GUSB: variants seen among roughly 807,000 people sequenced by gnomAD.
GUSB encodes the protein beta-glucuronidase.
A neutral mutation model predicts 74.6 loss-of-function variants in GUSB; 51 were observed. The ratio of observed to expected loss-of-function variants is 0.68; its 90% confidence interval spans 0.55 to 0.86. GUSB has a LOEUF of 0.86. Ranked by LOEUF, GUSB falls within the 40% of genes least tolerant of loss-of-function variation. GUSB has a pLI of 0.00. For synonymous variants in GUSB, 360 were observed against 348.3 expected (o/e 1.03, Z -0.37); for missense variants, 736 against 853.7 (o/e 0.86, Z 1.72).
rs868867911 is a variant in GUSB at position 65,968,736 on chromosome 7, G to A, written c.1477-829C>T. ...CGAGTAGCTAGGATTACAGGCGTGC[G>A]CCACCACGCCCAGCTAATTTTTTGT... is the stretch of plus-strand genomic sequence containing the variant. On this transcript the variant is annotated intron_variant, in intron 9 of 11. Transcript: ENST00000304895. Among the ~76,000 whole-genome samples, 55 of 152,224 alleles carry A rather than the reference G, an allele frequency of 3.6e-4. 1 individual carries two copies. Among genetic ancestry groups the A allele is most frequent in the African/African-American group, 1.1e-3 (47 of 41,552 alleles).
At chr7:65,977,200 G>A (rs1791641481) in intron 4 of GUSB, among the ~76,000 whole-genome samples, 1 of 151,992 alleles carries the variant, frequency 6.6e-6, no homozygotes, top group Non-Finnish European at 1.5e-5. Context: ...TTTTGAGATG[G>A]GGGTGTCACT....
intron 8 of GUSB, among the ~76,000 whole-genome samples, chr7:65,970,957 G>A (rs967920881): frequency 2.0e-5 from 3 of 151,398 alleles, no homozygotes; most frequent in African/African-American, 7.3e-5. Context: ...TCCCTAACTT[G>A]AGATGTATTT....
intron 2 of GUSB, 101 bp from the exon 3 acceptor site, chr7:65,980,012 G>C: frequency 9.3e-7 from 1 of 1,072,844 alleles, no homozygotes; most frequent in Non-Finnish European, 1.4e-6. Context: ...ATGGGGCTCC[G>C]GGGCCTTCCA....
At chr7:65,978,308 C>T (rs1165825426) in intron 4 of GUSB, among the ~76,000 whole-genome samples, 2 of 151,980 alleles carry the variant, frequency 1.3e-5, no homozygotes, top group South Asian at 2.1e-4. Flanking sequence ...ATTAGCTGGA[C>T]GTGGTGGCAC....
In GUSB at chr7:65,975,179, C is replaced by T. The variant is rs1791488378; in HGVS notation, c.913-108G>A. 5 of 947,820 alleles carry T rather than the reference C, an allele frequency of 5.3e-6. No homozygotes were observed. In the Admixed American group the frequency reaches 9.2e-5, roughly 17 times the overall value. 58.7% of individuals were successfully genotyped at this position (947,820 alleles called of 1,614,324 possible). ...TGCACCCCAGCAGCTGCCTCTGGGC[C>T]TGTAAGCAGAGATGCAGCAATCAGA... On this transcript the variant is annotated intron_variant, in intron 5 of 11. Coordinates refer to ENST00000304895, the MANE Select transcript of GUSB (RefSeq NM_000181.4).
chr7:65,964,951 C>T (rs916189513), intron 10 of GUSB, among the ~76,000 whole-genome samples: 11 of 151,982 alleles, frequency 7.2e-5, no homozygotes, highest in African/African-American at 2.7e-4. Flanking sequence ...CATCTGTGGT[C>T]CCAGCTACTT....
At chr7:65,969,103 G>A (rs555598493) in intron 9 of GUSB, among the ~76,000 whole-genome samples, 19 of 152,280 alleles carry the variant, frequency 1.2e-4, no homozygotes, top group South Asian at 1.2e-3. Flanking sequence ...AATGCTGGCC[G>A]GGTGTGGTGG....
chr7:65,975,209 C>G, intron 5 of GUSB, 138 bp from the exon 6 acceptor site: 2 of 752,308 alleles, frequency 2.7e-6, no homozygotes, highest in Non-Finnish European at 4.6e-6. Context: ...ATCAGAGGTT[C>G]TGCCCTACCC....
chr7:65,980,185 G>GTTC, intron 2 of GUSB, 39 bp downstream of exon 2: 2 of 725,274 alleles, frequency 2.8e-6, no homozygotes, highest in Non-Finnish European at 2.4e-6. Context: ...CAGCAGCCGT[G>GTTC]CCCCCCCACC....
chr7:65,971,861 A>G (rs1791234359), intron 8 of GUSB, among the ~76,000 whole-genome samples: 1 of 151,916 alleles, frequency 6.6e-6, no homozygotes, highest in Non-Finnish European at 1.5e-5. Context: ...ACCAACACGG[A>G]GAAACCCCAT....
At position 65,979,835 on chromosome 7, in the gene GUSB, T is replaced by G; in HGVS notation, c.473A>C (p.Gln158Pro). Residue 158 changes from glutamine to proline, a missense_variant, in exon 3 of 12, where the codon CAG becomes CCG. Gln to Pro is a moderately conservative substitution (Grantham distance 76). Around this residue, in one of 2 missense-constraint regions of GUSB, gnomAD observed 368 missense variants for 363.8 expected, o/e 1.01. Transcript: ENST00000304895. ...GAGCCGGGAGGGCAGGGGCCCCACC[T>G]GGACCAGGTTGCTGATGTCGGCCTC... ...PFEADISNLV[Q>P]VGPLPSRLRI... is the part of the protein sequence containing the mutation. The G allele has an allele frequency of 6.2e-7, 1 of 1,613,672 alleles. No individual in the cohort carries two copies. Among genetic ancestry groups the G allele is most frequent in the South Asian group, 1.1e-5 (1 of 91,074 alleles).
chr7:65,966,834 C>T (rs1335610859), intron 10 of GUSB, among the ~76,000 whole-genome samples: 1 of 152,070 alleles, frequency 6.6e-6, no homozygotes, highest in East Asian at 1.9e-4. Flanking sequence ...GTAATTCCAG[C>T]ACTTTTGGAG....
At chr7:65,976,232 G>A in intron 4 of GUSB, 30 bp from the exon 5 acceptor site, 1 of 1,543,378 alleles carries the variant, frequency 6.5e-7, no homozygotes, top group Non-Finnish European at 8.9e-7. Flanking sequence ...CCAGGGCTGA[G>A]GGAGGGACAC....
intron 9 of GUSB, 36 bp downstream of exon 9, chr7:65,970,246 G>C: frequency 7.7e-7 from 1 of 1,300,054 alleles, no homozygotes; most frequent in Non-Finnish European, 1.1e-6. Flanking sequence ...CCCAGGCAAA[G>C]GCAGGGAGAA....
intron 4 of GUSB, among the ~76,000 whole-genome samples, chr7:65,978,770 CAA>C (rs1425691894): frequency 3.7e-5 from 5 of 133,712 alleles, no homozygotes; most frequent in Admixed American, 2.3e-4. Flanking sequence ...GACTCCAGCT[CAA>C]AAAAAAAAAA....
At position 65,982,099 on chromosome 7, in the gene GUSB, A is replaced by C; in HGVS notation, c.85T>G (p.Tyr29Asp). The change falls in exon 1 of 12, where the codon TAC becomes GAC. Residue 29 changes from tyrosine to aspartate, a missense_variant. Around this residue, in one of 2 missense-constraint regions of GUSB, gnomAD observed 368 missense variants for 363.8 expected, o/e 1.01. Transcript: ENST00000304895. ...TCCCGCGACGGGCTCTCCTGGGGGT[A>C]CAGCATCCCGCCCTGCAGCCCCAGC... ...CALGLQGGMLYPQESPSRECK... is the reference protein window; with the variant it reads ...CALGLQGGMLDPQESPSRECK... 1 of 1,598,252 alleles carries C rather than the reference A, an allele frequency of 6.3e-7. No individual in the cohort carries two copies. The highest frequency in any genetic ancestry group is 8.5e-7 in the Non-Finnish European group (1 of 1,173,414).
At chr7:65,980,515 C>T (rs1053265775) in intron 1 of GUSB, 106 bp from the exon 2 acceptor site, 15 of 1,026,316 alleles carry the variant, frequency 1.5e-5, no homozygotes, top group Non-Finnish European at 1.9e-5. Context: ...TGACACATAG[C>T]GGGGATTCTT....
At chr7:65,974,772 C>T in intron 6 of GUSB, 68 bp from the exon 7 acceptor site, 1 of 1,579,210 alleles carries the variant, frequency 6.3e-7, no homozygotes, top group Non-Finnish European at 8.7e-7. Context: ...GAGCCAGGAC[C>T]CTGGAGAGCC....
At position 65,976,038 on chromosome 7, in the gene GUSB, G is replaced by A. The variant is rs1288471255; in HGVS notation, c.889C>T (p.Pro297Ser). Reference protein sequence around the residue: ...LWWPYLMHERPAYLYSLEVQL... With the variant: ...LWWPYLMHERSAYLYSLEVQL... ...ACCTCCAATGAATACAGATAGGCAG[G>A]GCGTTCGTGCATCAGGTACGGCCAC... Residue 297 changes from proline to serine, a missense_variant, in exon 5 of 12, where the codon CCT becomes TCT. By Grantham distance (74) the Pro-to-Ser change is moderately conservative (BLOSUM62 -1). Coordinates refer to ENST00000304895, the MANE Select transcript of GUSB (RefSeq NM_000181.4). 6.2e-7 allele frequency: 1 copy of A among 1,613,684 alleles called. No homozygotes were observed. The highest frequency in any genetic ancestry group is 8.5e-7 in the Non-Finnish European group (1 of 1,179,998).
Sources: gnomAD v4.1 joint callset for allele counts (sites outside exome capture counted in the v4.1 genomes callset) on GRCh38, gnomAD v4.1.1 for gene constraint, gnomAD v4.1.1 regional missense constraint, MANE v1.5 for transcripts, NCBI Gene and HGNC (gene_info 2026-07-23, HGNC 2026-07-21) for gene names.